PCDH15: variants seen among roughly 807,000 people sequenced by gnomAD.
The protein encoded by PCDH15 is protocadherin related 15, also known as protocadherin-15.
PCDH15 carries 129 observed loss-of-function variants against 178.5 expected under a neutral mutation model. That is an observed-to-expected ratio of 0.72 (90% CI 0.63 to 0.84). The LOEUF (loss-of-function observed/expected upper bound fraction) is 0.84. Ranked by LOEUF, PCDH15 falls within the 40% of genes least tolerant of loss-of-function variation. The pLI, the probability that PCDH15 is intolerant of heterozygous loss-of-function variation, is 0.00. For synonymous variants in PCDH15, 800 were observed against 732.0 expected (o/e 1.09, Z -1.50); for missense variants, 2,230 against 2,099.9 (o/e 1.06, Z -1.21).
chr10:54,794,116 ATATATAT>A (rs1266022595), intron 1 of PCDH15, among the ~76,000 whole-genome samples: 2 of 146,866 alleles, frequency 1.4e-5, no homozygotes, highest in East Asian at 4.0e-4. Context: ...TTCCTTTAAG[ATATATAT>A]AAGATATATA....
intron 9 of PCDH15, among the ~76,000 whole-genome samples, chr10:54,216,898 A>G (rs531542720): frequency 9.2e-5 from 14 of 152,316 alleles, no homozygotes; most frequent in South Asian, 4.1e-4. Flanking sequence ...ATGATAATTC[A>G]AATGTAATGA....
At chr10:54,796,274 G>GTATCTATC (rs1319257760) in intron 1 of PCDH15, among the ~76,000 whole-genome samples, 179 of 56,928 alleles carry the variant, frequency 3.1e-3, no homozygotes, top group Middle Eastern at 9.8e-3. Flanking sequence ...ATCTATCTAT[G>GTATCTATC]TATCTATGTA....
At chr10:55,136,544 A>T (rs1469307218) in intron 2 of PCDH15, among the ~76,000 whole-genome samples, 3 of 152,146 alleles carry the variant, frequency 2.0e-5, no homozygotes, top group Non-Finnish European at 4.4e-5. Context: ...GCAGTTTCAT[A>T]CGTGAATGAA....
intron 2 of PCDH15, among the ~76,000 whole-genome samples, chr10:54,950,301 T>C (rs1733780): frequency 0.17 from 25,453 of 151,852 alleles, 2,391 homozygotes; most frequent in East Asian, 0.24. Context: ...GCTCTGTGTC[T>C]CCACCCAAAT....
intron 2 of PCDH15, among the ~76,000 whole-genome samples, chr10:55,466,757 A>G (rs1019877955): frequency 1.3e-5 from 2 of 152,164 alleles, no homozygotes; most frequent in African/African-American, 2.4e-5. Context: ...ATAACGGGGA[A>G]AAAAGAAAAC....
intron 2 of PCDH15, among the ~76,000 whole-genome samples, chr10:55,101,741 T>C (rs1402429008): frequency 6.6e-6 from 1 of 151,468 alleles, no homozygotes; most frequent in Non-Finnish European, 1.5e-5. Context: ...TAGAAACATA[T>C]ATAATAAATA....
At chr10:54,937,644 T>C (rs954446725) in intron 2 of PCDH15, among the ~76,000 whole-genome samples, 2 of 151,986 alleles carry the variant, frequency 1.3e-5, no homozygotes, top group Admixed American at 1.3e-4. Flanking sequence ...AGTAATACAA[T>C]TGAATTGTGG....
chr10:54,236,804 A>C lies in PCDH15; in HGVS notation c.985+19T>G, dbSNP rs767836369. The C allele has an allele frequency of 3.2e-6, 5 of 1,563,026 alleles. No homozygotes were observed. The highest frequency in any genetic ancestry group is 4.4e-6 in the Non-Finnish European group (5 of 1,133,602). On this transcript the variant is annotated intron_variant, in intron 9 of 37. Transcript: ENST00000644397. ...GATTCTAGAATAACTGATAGTGTAAAATGTTATCAGATACAAACCAACAAG... is the reference window on the plus strand; with the variant it reads ...GATTCTAGAATAACTGATAGTGTAACATGTTATCAGATACAAACCAACAAG...
chr10:55,103,051 C>T lies in PCDH15; in HGVS notation c.-80+63525G>A, dbSNP rs528514026. On this transcript the variant is annotated intron_variant, in intron 2 of 5. Coordinates refer to the PCDH15 transcript ENST00000458638. ...GTGGAGGATGTGGAAGAGGGGCAGG[C>T]GAGGCAGCCACACTCAGTGTAACTT... 1.8e-3 allele frequency among the ~76,000 whole-genome samples: 265 copies of T among 150,100 alleles called. 2 individuals carry two copies. Among genetic ancestry groups the T allele is most frequent in the African/African-American group, 6.2e-3 (252 of 40,858 alleles).
chr10:55,243,811 G>GA (rs549866290), intron 1 of PCDH15, among the ~76,000 whole-genome samples: 44 of 152,086 alleles, frequency 2.9e-4, no homozygotes, highest in Admixed American at 5.2e-4. Flanking sequence ...CATTGGGCAT[G>GA]AAGTACCTTC....
At chr10:54,994,682 T>C (rs1244138498) in intron 2 of PCDH15, among the ~76,000 whole-genome samples, 1 of 152,158 alleles carries the variant, frequency 6.6e-6, no homozygotes. Context: ...ATAAAACATA[T>C]GTGTATATAT....
intron 3 of PCDH15, among the ~76,000 whole-genome samples, chr10:54,468,805 T>G (rs938522585): frequency 3.3e-5 from 5 of 152,316 alleles, no homozygotes. Flanking sequence ...TCTAATAATA[T>G]TTGTTTTATA....
intron 2 of PCDH15, among the ~76,000 whole-genome samples, chr10:55,391,239 A>G (rs1837785053): frequency 6.6e-6 from 1 of 151,110 alleles, no homozygotes; most frequent in African/African-American, 2.5e-5. Context: ...TATGTTACAG[A>G]GACAGCTTTT....
chr10:55,108,078 T>A (rs1837402409), intron 2 of PCDH15, among the ~76,000 whole-genome samples: 1 of 152,034 alleles, frequency 6.6e-6, no homozygotes, highest in Admixed American at 6.6e-5. Context: ...AAACACCAGG[T>A]GAGGACAAAG....
At chr10:54,565,743 C>A (rs2088928962) in intron 2 of PCDH15, among the ~76,000 whole-genome samples, 1 of 152,136 alleles carries the variant, frequency 6.6e-6, no homozygotes, top group Admixed American at 6.6e-5. Context: ...CAGATTATAT[C>A]TCAATATGTT....
At chr10:55,229,848 C>A (rs1841160725) in intron 1 of PCDH15, among the ~76,000 whole-genome samples, 2 of 151,948 alleles carry the variant, frequency 1.3e-5, no homozygotes, top group Admixed American at 6.6e-5. Context: ...GTTTGGGATT[C>A]CAGCTTGACA....
intron 1 of PCDH15, among the ~76,000 whole-genome samples, chr10:55,270,665 G>T (rs1007386395): frequency 1.3e-5 from 2 of 152,132 alleles, no homozygotes; most frequent in Admixed American, 6.6e-5. Context: ...ACACTGCAGA[G>T]AAAAGGGAAT....
At chr10:53,972,133 A>G (rs865974081) in intron 21 of PCDH15, among the ~76,000 whole-genome samples, 1 of 152,132 alleles carries the variant, frequency 6.6e-6, no homozygotes, top group Non-Finnish European at 1.5e-5. Context: ...AAATAATACC[A>G]CACATTTACA....
chr10:55,133,098 T>C (rs1374957078), intron 2 of PCDH15, among the ~76,000 whole-genome samples: 1 of 152,202 alleles, frequency 6.6e-6, no homozygotes, highest in East Asian at 1.9e-4. Context: ...GCTTGATCAT[T>C]CACTGGCTCT....
Sources: gnomAD v4.1 joint callset for allele counts (sites outside exome capture counted in the v4.1 genomes callset) on GRCh38, gnomAD v4.1.1 for gene constraint, MANE v1.5 for transcripts, NCBI Gene and HGNC (gene_info 2026-07-23, HGNC 2026-07-21) for gene names.